The following PTPRN2 variants were observed in gnomAD, a reference collection of about 807,000 sequenced individuals.
The protein encoded by PTPRN2 is protein tyrosine phosphatase receptor type N2, also known as receptor-type tyrosine-protein phosphatase N2.
PTPRN2 carries 74 observed loss-of-function variants against 118.8 expected under a neutral mutation model. The observed-to-expected ratio is 0.62, with a 90% CI of 0.52 to 0.76. The LOEUF is 0.76. Among genes scored for constraint, PTPRN2 ranks in the 30% least tolerant of loss-of-function variants. The pLI is 0.00. For missense variants in PTPRN2, 1,481 were observed against 1,394.4 expected (o/e 1.06, Z -0.99); for synonymous variants, 641 against 608.0 (o/e 1.05, Z -0.80).
chr7:157,866,672 C>T (rs924184504), intron 12 of PTPRN2, among the ~76,000 whole-genome samples: 5 of 152,150 alleles, frequency 3.3e-5, no homozygotes, highest in Admixed American at 1.3e-4. Flanking sequence ...CTGTCTGGCC[C>T]GAGTCCCAGG....
In PTPRN2 at chr7:157,839,834, CGTGTGACT is replaced by C. The variant is rs1180223732; in HGVS notation, c.1788+58831_1788+58838del. 7.3e-3 allele frequency among the ~76,000 whole-genome samples: 940 copies of C among 129,390 alleles called. 6 individuals are homozygous for C. The highest frequency in any genetic ancestry group is 0.027 in the African/African-American group (837 of 30,818). The allele number at this position is 129,390 out of a possible 152,430, so 84.9% of individuals were successfully genotyped here. A position where few individuals can be genotyped will look rare whatever the true frequency, so the allele number is the denominator to read the frequency against. On this transcript the variant is annotated intron_variant, in intron 12 of 22. Transcript: ENST00000389418. ...GTGACCAGGTGTGACTGTGTGGCCA[CGTGTGACT>C]GTGTGACTGTGTGTGACTGTGTGAC...
intron 3 of PTPRN2, among the ~76,000 whole-genome samples, chr7:158,295,213 T>C (rs1262504691): frequency 8.4e-3 from 511 of 60,726 alleles, no homozygotes; most frequent in Admixed American, 8.0e-3. Context: ...TCTAAGCCCA[T>C]GGGGCCCGCT....
At chr7:158,252,152 A>G (rs1796724021) in intron 3 of PTPRN2, among the ~76,000 whole-genome samples, 1 of 152,170 alleles carries the variant, frequency 6.6e-6, no homozygotes, top group Non-Finnish European at 1.5e-5. Flanking sequence ...GTTGCCGCAC[A>G]GCCTCAAGCC....
chr7:158,162,508 T>C (rs555605302), intron 6 of PTPRN2, among the ~76,000 whole-genome samples: 2 of 152,154 alleles, frequency 1.3e-5, no homozygotes, highest in Admixed American at 6.5e-5. Flanking sequence ...AGGCCACATA[T>C]TGTAAGGTTC....
At position 157,981,269 on chromosome 7, in the gene PTPRN2, G is replaced by A. The variant is rs543174380; in HGVS notation, c.1724-82532C>T. ...CATTTAGACAATAATGTGTGTGGAC[G>A]AGACATGGAGAAGGCTTCCATAGTC... On this transcript the variant is annotated intron_variant, in intron 11 of 22. Coordinates refer to ENST00000389418, the MANE Select transcript of PTPRN2 (RefSeq NM_002847.5). 4.6e-5 allele frequency among the ~76,000 whole-genome samples: 7 copies of A among 152,248 alleles called. No individual in the cohort carries two copies. In the East Asian group the frequency reaches 1.2e-3, roughly 25 times the overall value.
At chr7:157,646,555 T>G (rs1805085998) in intron 14 of PTPRN2, among the ~76,000 whole-genome samples, 1 of 152,186 alleles carries the variant, frequency 6.6e-6, no homozygotes, top group South Asian at 2.1e-4. Flanking sequence ...GACAACAGCC[T>G]AACACACCTG....
chr7:158,054,228 T>G (rs1585284763), intron 11 of PTPRN2, among the ~76,000 whole-genome samples: 2 of 152,218 alleles, frequency 1.3e-5, no homozygotes, highest in African/African-American at 4.8e-5. Flanking sequence ...AATGTGCCTG[T>G]GGAGTGTGAT....
At chr7:158,336,439 C>G (rs1257234568) in intron 2 of PTPRN2, among the ~76,000 whole-genome samples, 1 of 102,870 alleles carries the variant, frequency 9.7e-6, no homozygotes, top group Non-Finnish European at 2.3e-5. Context: ...AGACGTCACT[C>G]ACACCCACAC....
At chr7:158,254,981 A>G (rs1465453487) in intron 3 of PTPRN2, among the ~76,000 whole-genome samples, 1 of 152,236 alleles carries the variant, frequency 6.6e-6, no homozygotes, top group African/African-American at 2.4e-5. Context: ...AAGCTGCAGA[A>G]AAGGAGAAAT....
In PTPRN2 at chr7:157,603,266, C is replaced by G. The variant is rs184920984; in HGVS notation, c.2418+736G>C. Among the ~76,000 whole-genome samples, 1 of 151,974 alleles carries G rather than the reference C, an allele frequency of 6.6e-6. No individual in the cohort carries two copies. Among genetic ancestry groups the G allele is most frequent in the East Asian group, 1.9e-4 (1 of 5,166 alleles). ...TCCTCTGCTCACTCTGGGAGGGCTG[C>G]AAACCTCCCCATTCAGCCCTGCTCC... On this transcript the variant is annotated intron_variant, in intron 16 of 22. Coordinates refer to ENST00000389418, the MANE Select transcript of PTPRN2 (RefSeq NM_002847.5). The surrounding 1 kb of genome is among the most constrained non-coding windows in gnomAD (Gnocchi z 5.4).
chr7:157,874,855 G>A lies in PTPRN2; in HGVS notation c.1788+23818C>T, dbSNP rs914071732. On this transcript the variant is annotated intron_variant, in intron 12 of 22. Transcript: ENST00000389418. The surrounding 1 kb of genome is among the most constrained non-coding windows in gnomAD (Gnocchi z 5.8). ...GACACACTCATGCACATATACACAC[G>A]GAGACACACTCGTGCACATACACAC... is the stretch of plus-strand genomic sequence containing the variant. Among the ~76,000 whole-genome samples the A allele has an allele frequency of 2.7e-5, 4 of 146,814 alleles. No individual in the cohort carries two copies. Among genetic ancestry groups the A allele is most frequent in the Admixed American group, 6.8e-5 (1 of 14,796 alleles).
intron 12 of PTPRN2, among the ~76,000 whole-genome samples, chr7:157,758,788 C>T (rs1246069566): frequency 6.6e-6 from 1 of 152,160 alleles, no homozygotes. Context: ...TGCTGCACAG[C>T]AGAAGGCCCT....
chr7:158,081,245 T>C (rs942658586), intron 11 of PTPRN2, 53 bp downstream of exon 11: 11 of 1,498,016 alleles, frequency 7.3e-6, no homozygotes, highest in Non-Finnish European at 9.3e-6. Flanking sequence ...TGCGTGCGTG[T>C]GTGTGTGCAC....
intron 12 of PTPRN2, among the ~76,000 whole-genome samples, chr7:157,766,417 A>ACCAT (rs1380341068): frequency 7.0e-6 from 1 of 142,802 alleles, no homozygotes; most frequent in South Asian, 2.3e-4. Context: ...TGTCAACCAA[A>ACCAT]CCATCCATCC....
intron 2 of PTPRN2, among the ~76,000 whole-genome samples, chr7:158,350,558 C>T (rs1348494685): frequency 6.6e-6 from 1 of 152,208 alleles, no homozygotes; most frequent in African/African-American, 2.4e-5. Context: ...CAAATAGTGA[C>T]TTAGAGTCCC....
At chr7:157,842,273 T>C (rs1808476959) in intron 12 of PTPRN2, among the ~76,000 whole-genome samples, 1 of 152,104 alleles carries the variant, frequency 6.6e-6, no homozygotes. Flanking sequence ...CGCGCTCCAA[T>C]CAGCCGCCTC....
At chr7:158,344,301 T>C (rs774550754) in intron 2 of PTPRN2, among the ~76,000 whole-genome samples, 2 of 152,090 alleles carry the variant, frequency 1.3e-5, no homozygotes, top group Admixed American at 6.5e-5. Context: ...GGCAGTTTAG[T>C]AACTAGAAGC....
chr7:157,820,194 A>C, intron 12 of PTPRN2, among the ~76,000 whole-genome samples: 1 of 150,734 alleles, frequency 6.6e-6, no homozygotes, highest in East Asian at 2.0e-4. Context: ...ACTCACATAT[A>C]TATGAACACA....
At chr7:158,332,060 C>A (rs1476801717) in intron 2 of PTPRN2, among the ~76,000 whole-genome samples, 1 of 150,680 alleles carries the variant, frequency 6.6e-6, no homozygotes, top group Admixed American at 6.6e-5. Context: ...GAGGTGACAT[C>A]TGCAGACGAC....
Sources: allele counts gnomAD v4.1 joint callset (sites outside exome capture counted in the v4.1 genomes callset), GRCh38; gene constraint gnomAD v4.1.1; non-coding constraint Gnocchi (gnomAD v3.1); transcripts MANE v1.5; gene names NCBI Gene and HGNC (gene_info 2026-07-23, HGNC 2026-07-21).